CYP24A1: variants seen among roughly 807,000 people sequenced by gnomAD.
The protein encoded by CYP24A1 is 1,25-dihydroxyvitamin D(3) 24-hydroxylase, mitochondrial.
A neutral mutation model predicts 62.4 loss-of-function variants in CYP24A1; 68 were observed. That is an observed-to-expected ratio of 1.09 (90% CI 0.90 to 1.33). The LOEUF (loss-of-function observed/expected upper bound fraction) is 1.33, where lower values mean the gene tolerates loss of function less well. Ranked by LOEUF, CYP24A1 falls within the 40% of genes most tolerant of loss-of-function variation. The pLI is 0.00. For synonymous variants in CYP24A1, 267 were observed against 253.0 expected (o/e 1.06, Z -0.52); for missense variants, 787 against 653.0 (o/e 1.21, Z -2.24).
chr20:54,157,843 G>C (rs2146465192), intron 9 of CYP24A1, among the ~76,000 whole-genome samples: 1 of 152,296 alleles, frequency 6.6e-6, no homozygotes, highest in African/African-American at 2.4e-5. Flanking sequence ...CGAAGTTGAG[G>C]CTCACAGAGA....
At chr20:54,156,027 G>T (rs2092626656) in intron 11 of CYP24A1, among the ~76,000 whole-genome samples, 1 of 152,126 alleles carries the variant, frequency 6.6e-6, no homozygotes. Context: ...AAAAAGTATT[G>T]AATGGCATAC....
chr20:54,151,584 G>C (rs564069714), downstream of CYP24A1, among the ~76,000 whole-genome samples: 2 of 151,936 alleles, frequency 1.3e-5, no homozygotes, highest in South Asian at 2.1e-4. Context: ...GTCCTGCTCT[G>C]TCGCCAGGCT....
intron 2 of CYP24A1, chr20:54,172,692 C>T (rs556531833): frequency 9.1e-6 from 10 of 1,100,154 alleles, no homozygotes; most frequent in South Asian, 6.6e-5. Context: ...CCAGAGAGAA[C>T]GCAGGTGCTG....
At chr20:54,171,075 G>C (rs2092692130) in intron 3 of CYP24A1, among the ~76,000 whole-genome samples, 1 of 152,108 alleles carries the variant, frequency 6.6e-6, no homozygotes. Flanking sequence ...TTTTCAGAAG[G>C]CTACTCTGTC....
the CYP24A1 span, among the ~76,000 whole-genome samples, chr20:54,143,595 G>A: frequency 6.6e-6 from 1 of 151,876 alleles, no homozygotes; most frequent in East Asian, 1.9e-4. Context: ...GGGAACAGGT[G>A]GTATTTGGTT....
chr20:54,168,686 TTTC>T (rs1191183414), intron 4 of CYP24A1, among the ~76,000 whole-genome samples: 1 of 152,030 alleles, frequency 6.6e-6, no homozygotes. Context: ...CTCTCTCTCT[TTTC>T]TTCTTTATTT....
rs77764129 is a variant in CYP24A1, at chr20:54,159,094, G to A, written c.1020C>T (p.Tyr340=). ...TTANSLMWIL[Y]NLSRNPQVQQ... The stretch of plus-strand genomic sequence containing the variant: ...GCACTTGGGGATTACGGGATAAATT[G>A]TAGAGAATCCACATTAGACTGTTTG... Residue 340 remains tyrosine, a synonymous_variant, in exon 8 of 12, where the codon TAC becomes TAT. Coordinates refer to ENST00000216862, the MANE Select transcript of CYP24A1 (RefSeq NM_000782.5). 2.9e-4 allele frequency: 472 copies of A among 1,613,952 alleles called. 1 individual carries two copies. In the East Asian group the frequency reaches 0.01, roughly 36 times the overall value.
chr20:54,169,197 C>T (rs1168004325), intron 4 of CYP24A1, among the ~76,000 whole-genome samples: 2 of 152,124 alleles, frequency 1.3e-5, no homozygotes, highest in Non-Finnish European at 2.9e-5. Flanking sequence ...GCCACCATGC[C>T]TGCCTTTCAT....
At position 54,166,041 on chromosome 20, in the gene CYP24A1, T is replaced by A. The variant is rs558201624; in HGVS notation, c.641-208A>T. Among the ~76,000 whole-genome samples the A allele has an allele frequency of 5.3e-5, 8 of 152,270 alleles. No individual in the cohort carries two copies. The South Asian group carries it at 1.5e-3, about 28-fold the overall frequency. On this transcript the variant is annotated intron_variant, in intron 4 of 11. Transcript: ENST00000216862. Reference sequence around the variant, plus strand: ...TCTTTTTCTAGAAATTATCTCCAGGTCCAATGACTCATCACCTCAGAGTGT... The same window carrying A: ...TCTTTTTCTAGAAATTATCTCCAGGACCAATGACTCATCACCTCAGAGTGT...
the CYP24A1 span, among the ~76,000 whole-genome samples, chr20:54,144,826 T>A: frequency 6.6e-6 from 1 of 151,970 alleles, no homozygotes; most frequent in Non-Finnish European, 1.5e-5. Context: ...CTAAAAACTT[T>A]TGAAAATAGG....
At chr20:54,165,638 A>T (rs2092668924) in intron 5 of CYP24A1, 104 bp downstream of exon 5, 1 of 781,086 alleles carries the variant, frequency 1.3e-6, no homozygotes, top group African/African-American at 1.7e-5. Flanking sequence ...TATTGAAATA[A>T]AATATGTGTG....
chr20:54,146,092 G>A, the CYP24A1 span, among the ~76,000 whole-genome samples: 3 of 152,016 alleles, frequency 2.0e-5, no homozygotes, highest in Non-Finnish European at 4.4e-5. Context: ...TTAATAAAAT[G>A]CTGAAAAAAA....
downstream of CYP24A1, among the ~76,000 whole-genome samples, chr20:54,152,462 C>T (rs1422470318): frequency 6.6e-6 from 1 of 152,236 alleles, no homozygotes; most frequent in Non-Finnish European, 1.5e-5. Context: ...GGAATCACAA[C>T]CCTAATGAAT....
intron 3 of CYP24A1, 127 bp from the exon 4 acceptor site, chr20:54,169,815 C>G: frequency 1.3e-6 from 2 of 1,531,518 alleles, no homozygotes; most frequent in East Asian, 2.5e-5. Context: ...GTTATTCATC[C>G]TGAAGTCACA....
downstream of CYP24A1, among the ~76,000 whole-genome samples, chr20:54,151,615 C>T (rs765786455): frequency 1.3e-5 from 2 of 151,888 alleles, no homozygotes; most frequent in Non-Finnish European, 2.9e-5. Flanking sequence ...GGCATGATCT[C>T]GGCTCACTGC....
intron 8 of CYP24A1, among the ~76,000 whole-genome samples, chr20:54,158,716 G>A (rs749488680): frequency 6.6e-6 from 1 of 152,160 alleles, no homozygotes; most frequent in African/African-American, 2.4e-5. Context: ...GCGTTCATTA[G>A]AGTAGCAAGA....
At chr20:54,157,614 T>C in intron 9 of CYP24A1, 29 bp from the exon 10 acceptor site, 1 of 1,320,332 alleles carries the variant, frequency 7.6e-7, no homozygotes. Context: ...ACATAGTATT[T>C]AAAATAACCA....
intron 4 of CYP24A1, among the ~76,000 whole-genome samples, chr20:54,167,919 C>T (rs1210646332): frequency 6.6e-6 from 1 of 152,364 alleles, no homozygotes; most frequent in African/African-American, 2.4e-5. Context: ...ATATATCACA[C>T]TGCTGCTGAA....
chr20:54,158,336 C>A (rs573657200), intron 8 of CYP24A1, among the ~76,000 whole-genome samples, 172 bp from the exon 9 acceptor site: 5 of 152,292 alleles, frequency 3.3e-5, no homozygotes, highest in African/African-American at 1.2e-4. Flanking sequence ...ATAATTGTAT[C>A]TCTTGTTCCT....
Sources: allele counts gnomAD v4.1 joint callset (sites outside exome capture counted in the v4.1 genomes callset), GRCh38; gene constraint gnomAD v4.1.1; transcripts MANE v1.5; gene names NCBI Gene and HGNC (gene_info 2026-07-23, HGNC 2026-07-21).